TENM1: variants seen among roughly 807,000 people sequenced by gnomAD.
The protein encoded by TENM1 is teneurin-1.
A neutral mutation model predicts 174.8 loss-of-function variants in TENM1; 35 were observed. The ratio of observed to expected loss-of-function variants is 0.20; its 90% CI spans 0.15 to 0.27. The LOEUF (loss-of-function observed/expected upper bound fraction) is 0.27. Ranked by LOEUF, TENM1 falls within the 10% of genes least tolerant of loss-of-function variation. TENM1 has a pLI of 1.00. For missense variants in TENM1, 1,633 were observed against 2,130.1 expected (o/e 0.77, Z 4.59); for synonymous variants, 781 against 798.7 (o/e 0.98, Z 0.37).
At chrX:124,995,204 T>A in the TENM1 span, among the ~76,000 whole-genome samples, 1 of 110,987 alleles carries the variant, frequency 9.0e-6, no homozygotes, top group African/African-American at 3.3e-5. Flanking sequence ...CAAATCCTCA[T>A]ATTATATGCT....
rs368461215 is a variant in TENM1, at chrX:124,642,011, G to T, written c.1877-20C>A. 313 of 1,157,213 alleles carry T rather than the reference G, an allele frequency of 2.7e-4. No individual in the cohort carries two copies. Among genetic ancestry groups the T allele is most frequent in the Non-Finnish European group, 3.5e-4 (294 of 847,264 alleles). On this transcript the variant is annotated intron_variant, in intron 10 of 31. Transcript: ENST00000422452. ...AGTCCTCTGAAGGCACAAAAAAGTG[G>T]GGGGGAGGGGTGATTAATAGTGAAC...
Position 124,637,111 on chromosome X carries a change from C to T in TENM1, c.2077+4680G>A, listed in dbSNP as rs7877139. Reference sequence around the variant, plus strand: ...TTTCTTTCTTTTTTTTTTTTTGTGACGGAGTTTCGCTCTTGTTGCCCAGGC... The same window carrying T: ...TTTCTTTCTTTTTTTTTTTTTGTGATGGAGTTTCGCTCTTGTTGCCCAGGC... On this transcript the variant is annotated intron_variant, in intron 11 of 31. Coordinates refer to ENST00000422452, the Ensembl canonical transcript of TENM1. 3.1e-3 allele frequency among the ~76,000 whole-genome samples: 309 copies of T among 100,720 alleles called. 3 individuals are homozygous for T. Among genetic ancestry groups the T allele is most frequent in the African/African-American group, 0.011 (286 of 27,226 alleles). 87.5% of individuals were successfully genotyped at this position (100,720 alleles called of 115,157 possible).
chrX:124,503,513 A>G (rs776848791), intron 19 of TENM1, 47 bp downstream of exon 22: 38 of 1,130,849 alleles, frequency 3.4e-5, no homozygotes, highest in Non-Finnish European at 4.5e-5. Context: ...TATGTATTAT[A>G]CAGCATTAGG....
At chrX:124,899,107 C>A (rs1371202577) in intron 1 of TENM1, among the ~76,000 whole-genome samples, 1 of 111,699 alleles carries the variant, frequency 9.0e-6, no homozygotes, top group Non-Finnish European at 1.9e-5. Flanking sequence ...AATACACAAA[C>A]GTCTTGGTGG....
rs140641496 is a variant in TENM1, at chrX:124,481,952, A to T, written c.3729T>A (p.Ala1243=). 612 of 1,171,284 alleles carry T rather than the reference A, an allele frequency of 5.2e-4. No homozygotes were observed. The highest frequency in any genetic ancestry group is 6.5e-4 in the Non-Finnish European group (562 of 869,465). The change falls in exon 22 of 32, where the codon GCT becomes GCA. Residue 1243 remains alanine, a synonymous_variant. Transcript: ENST00000422452. ...GGTCCATAGCCAGATAGTATTTGTG[A>T]GCAGGACTTGTGCTAAGGAAGAGAA...
At chrX:124,547,120 T>A in intron 14 of TENM1, 30 bp from the exon 18 acceptor site, 3 of 1,095,156 alleles carry the variant, frequency 2.7e-6, no homozygotes, top group Non-Finnish European at 3.8e-6. Flanking sequence ...CCAATATTGA[T>A]TATTTAGCTT....
At chrX:124,713,730 C>T (rs2053116072) in intron 4 of TENM1, among the ~76,000 whole-genome samples, 1 of 111,810 alleles carries the variant, frequency 8.9e-6, no homozygotes, top group South Asian at 3.7e-4. Context: ...CAGAGGTATT[C>T]GATGAATACA....
At position 124,628,840 on chromosome X, in the gene TENM1, G is replaced by A. The variant is rs763543583; in HGVS notation, c.2077+12951C>T. ...TAAGTTATCGATCAATAAAATGTAA[G>A]TGAATGTTTCTGGCAGTAGCTTCAG... On this transcript the variant is annotated intron_variant, in intron 11 of 31. Coordinates refer to ENST00000422452, the Ensembl canonical transcript of TENM1. 2.7e-5 allele frequency among the ~76,000 whole-genome samples: 3 copies of A among 111,881 alleles called. No homozygotes were observed. The South Asian group carries it at 1.1e-3, about 41-fold the overall frequency.
In TENM1 at chrX:124,418,305, C is replaced by T. The variant is rs762937941; in HGVS notation, c.4982+2006G>A. ...GAATGTGTCAGGCTTACTCCTGCTGCAGGGCATTTATACTTGCTCTTCCCT... is the reference window on the plus strand; with the variant it reads ...GAATGTGTCAGGCTTACTCCTGCTGTAGGGCATTTATACTTGCTCTTCCCT... On this transcript the variant is annotated intron_variant, in intron 25 of 31. Transcript: ENST00000422452. 2.7e-5 allele frequency among the ~76,000 whole-genome samples: 3 copies of T among 111,307 alleles called. No homozygotes were observed. The East Asian group carries it at 8.5e-4, about 31-fold the overall frequency.
At chrX:124,698,191 G>A (rs754832871) in intron 5 of TENM1, among the ~76,000 whole-genome samples, 7 of 110,432 alleles carry the variant, frequency 6.3e-5, no homozygotes, top group African/African-American at 2.0e-4. Flanking sequence ...CTACTCCTAC[G>A]ATTTTGGTGT....
rs774514694 is a variant in TENM1, at chrX:124,647,181, G to A, written c.1580-371C>T. ...AAAACAGGCTTTAAAATGTAACACAGATGACTAAGTCTACTGTTTATTTTT... is the reference window on the plus strand; with the variant it reads ...AAAACAGGCTTTAAAATGTAACACAAATGACTAAGTCTACTGTTTATTTTT... On this transcript the variant is annotated intron_variant, in intron 8 of 31. Transcript: ENST00000422452. Among the ~76,000 whole-genome samples the A allele has an allele frequency of 1.9e-4, 21 of 112,075 alleles. No homozygotes were observed. The East Asian group carries it at 5.9e-3, about 31-fold the overall frequency.
the TENM1 span, among the ~76,000 whole-genome samples, chrX:125,014,235 T>C: frequency 3.6e-5 from 4 of 112,612 alleles, no homozygotes; most frequent in East Asian, 8.4e-4. Context: ...GGGAATAATA[T>C]AATTATATCC....
chrX:125,107,081 T>C, the TENM1 span, among the ~76,000 whole-genome samples: 1 of 112,157 alleles, frequency 8.9e-6, no homozygotes, highest in Non-Finnish European at 1.9e-5. Flanking sequence ...CACGGTCTTA[T>C]GTTTAGTTAA....
At chrX:124,910,724 C>T (rs1358631072) in intron 1 of TENM1, among the ~76,000 whole-genome samples, 1 of 111,244 alleles carries the variant, frequency 9.0e-6, no homozygotes, top group East Asian at 2.8e-4. Flanking sequence ...TATTCAGCAT[C>T]AATTACTTTG....
intron 3 of TENM1, among the ~76,000 whole-genome samples, chrX:124,869,036 C>T (rs1400155523): frequency 9.7e-6 from 1 of 102,889 alleles, no homozygotes; most frequent in Non-Finnish European, 2.0e-5. Context: ...ACCAGCCTGG[C>T]CAACATGGTG....
At chrX:124,986,072 A>G in the TENM1 span, among the ~76,000 whole-genome samples, 1 of 111,914 alleles carries the variant, frequency 8.9e-6, no homozygotes, top group Non-Finnish European at 1.9e-5. Flanking sequence ...TATTTGAAAT[A>G]ATAATAGTAA....
intron 23 of TENM1, among the ~76,000 whole-genome samples, chrX:124,447,707 T>C (rs1345794667): frequency 9.0e-6 from 1 of 111,708 alleles, no homozygotes; most frequent in Non-Finnish European, 1.9e-5. Flanking sequence ...GACACCTTCA[T>C]GGTTTTCCAC....
chrX:124,540,792 T>C (rs1412180271), intron 15 of TENM1, among the ~76,000 whole-genome samples: 2 of 111,956 alleles, frequency 1.8e-5, no homozygotes, highest in Non-Finnish European at 3.8e-5. Context: ...CAGTTTGTTT[T>C]AGGGCACTTC....
intron 3 of TENM1, among the ~76,000 whole-genome samples, chrX:124,834,542 A>G (rs1295250445): frequency 8.9e-6 from 1 of 111,733 alleles, no homozygotes; most frequent in East Asian, 2.8e-4. Context: ...CTTTAAAAAA[A>G]TCCACTTGTA....
Sources: gnomAD v4.1 joint callset for allele counts (sites outside exome capture counted in the v4.1 genomes callset) on GRCh38, gnomAD v4.1.1 for gene constraint, MANE v1.5 for transcripts, NCBI Gene and HGNC (gene_info 2026-07-23, HGNC 2026-07-21) for gene names.